Variants in PAK3 observed in about 807,000 individuals in gnomAD.
PAK3 encodes the protein serine/threonine-protein kinase PAK 3.
In PAK3, 4 loss-of-function variants were observed where a neutral mutation model predicts 41.0. The ratio of observed to expected loss-of-function variants is 0.10; its 90% CI spans 0.05 to 0.22. The LOEUF (loss-of-function observed/expected upper bound fraction) is 0.22, where lower values mean the gene tolerates loss of function less well. PAK3 is among the 10% of genes least tolerant of loss of function. The pLI, the probability that PAK3 is intolerant of heterozygous loss-of-function variation, is 1.00. For synonymous variants in PAK3, 146 were observed against 139.6 expected (o/e 1.05, Z -0.32); for missense variants, 205 against 409.9 (o/e 0.50, Z 4.32).
intron 1 of PAK3, among the ~76,000 whole-genome samples, chrX:111,003,671 T>G (rs1173458733): frequency 9.0e-6 from 1 of 111,447 alleles, no homozygotes; most frequent in Non-Finnish European, 1.9e-5. Context: ...AGGAATACAT[T>G]TTAGCTGTGG....
rs572178647 is a variant in PAK3 at position 111,068,284 on chromosome X, C to A, written c.-27-54793C>A. Among the ~76,000 whole-genome samples the A allele has an allele frequency of 5.4e-5, 6 of 111,070 alleles. No homozygotes were observed. The South Asian group carries it at 2.3e-3, about 42-fold the overall frequency. On this transcript the variant is annotated intron_variant, in intron 1 of 14. Coordinates refer to the PAK3 transcript ENST00000425146. ...TTATCTTAATCTCTCCCTTCCAATT[C>A]CCATAGGCTTGTTTTATTTTTATTT...
At chrX:111,168,389 T>C (rs2094291553) in intron 10 of PAK3, among the ~76,000 whole-genome samples, 1 of 112,040 alleles carries the variant, frequency 8.9e-6, no homozygotes, top group South Asian at 3.7e-4. Flanking sequence ...ACAGTGTTTT[T>C]TCTTTATCGT....
intron 1 of PAK3, among the ~76,000 whole-genome samples, chrX:110,980,857 C>T (rs957767974): frequency 8.9e-6 from 1 of 112,352 alleles, no homozygotes; most frequent in African/African-American, 3.2e-5. Flanking sequence ...GCATGACCCT[C>T]TCTGGAACAG....
intron 1 of PAK3, among the ~76,000 whole-genome samples, chrX:110,952,925 G>A (rs905474714): frequency 1.8e-5 from 2 of 111,824 alleles, no homozygotes; most frequent in African/African-American, 6.5e-5. Context: ...TAAAACTAGT[G>A]TTTCTCTTTT....
At chrX:110,956,440 C>T (rs1270681683) in intron 1 of PAK3, among the ~76,000 whole-genome samples, 1 of 111,176 alleles carries the variant, frequency 9.0e-6, no homozygotes, top group African/African-American at 3.3e-5. Flanking sequence ...GGCTCCCACC[C>T]CAGAAAATAT....
chrX:111,190,180 CA>C (rs1321652933), intron 11 of PAK3, among the ~76,000 whole-genome samples: 3 of 110,767 alleles, frequency 2.7e-5, no homozygotes, highest in Non-Finnish European at 5.7e-5. Context: ...AGCCCAGTTC[CA>C]ATCGATATTT....
intron 16 of PAK3, among the ~76,000 whole-genome samples, chrX:111,209,518 G>A (rs984102280): frequency 8.9e-5 from 10 of 111,743 alleles, no homozygotes; most frequent in Non-Finnish European, 1.5e-4. Flanking sequence ...ATGTTAAGTC[G>A]ACTTTTAGGG....
At chrX:111,122,930 A>G (rs2093599378) in intron 4 of PAK3, 147 bp from the exon 5 acceptor site, 1 of 483,874 alleles carries the variant, frequency 2.1e-6, no homozygotes, top group African/African-American at 2.4e-5. Context: ...TCCCTCCAGA[A>G]GAGAAACCCC....
intron 1 of PAK3, among the ~76,000 whole-genome samples, chrX:111,002,393 T>A (rs916691425): frequency 1.8e-5 from 2 of 111,679 alleles, no homozygotes; most frequent in Non-Finnish European, 3.8e-5. Context: ...CAGTACCATT[T>A]AAAATAAGGG....
At chrX:111,139,292 A>G (rs1445573014) in intron 5 of PAK3, among the ~76,000 whole-genome samples, 1 of 111,708 alleles carries the variant, frequency 9.0e-6, no homozygotes, top group African/African-American at 3.3e-5. Flanking sequence ...AAGCATTTGT[A>G]TATGGCATCT....
chrX:111,047,020 G>T (rs1340995693), intron 1 of PAK3, among the ~76,000 whole-genome samples: 1 of 112,058 alleles, frequency 8.9e-6, no homozygotes, highest in Non-Finnish European at 1.9e-5. Context: ...GTGGATGAGA[G>T]AAAGGCCTCT....
At chrX:111,053,044 C>T (rs1278147856) in intron 1 of PAK3, among the ~76,000 whole-genome samples, 1 of 112,165 alleles carries the variant, frequency 8.9e-6, no homozygotes, top group Non-Finnish European at 1.9e-5. Context: ...TTATTAGATT[C>T]ACATGTTTAT....
chrX:111,037,141 C>T (rs1223435385), intron 1 of PAK3, among the ~76,000 whole-genome samples: 1 of 111,494 alleles, frequency 9.0e-6, no homozygotes, highest in Admixed American at 9.5e-5. Flanking sequence ...GACAGAGTTT[C>T]ACCATGTTGG....
At chrX:111,207,073 C>CGTGT (rs367846225) in intron 16 of PAK3, among the ~76,000 whole-genome samples, 994 of 97,355 alleles carry the variant, frequency 0.01, 19 homozygotes, top group African/African-American at 0.036. Flanking sequence ...TAGATATATA[C>CGTGT]GTGTGTGTGT....
chrX:111,025,721 A>C, intron 1 of PAK3, among the ~76,000 whole-genome samples: 1 of 111,037 alleles, frequency 9.0e-6, no homozygotes. Context: ...CATTCAAAGA[A>C]GAATTGGTAC....
intron 1 of PAK3, among the ~76,000 whole-genome samples, chrX:110,967,213 C>T (rs1055925660): frequency 8.9e-6 from 1 of 112,891 alleles, no homozygotes; most frequent in African/African-American, 3.2e-5. Flanking sequence ...GGGGCAAAAA[C>T]CAGAACAGGG....
At chrX:111,006,042 G>T in intron 1 of PAK3, among the ~76,000 whole-genome samples, 1 of 111,311 alleles carries the variant, frequency 9.0e-6, no homozygotes, top group Admixed American at 9.5e-5. Context: ...AAAGCCTATA[G>T]CACAGTATTT....
chrX:110,966,798 T>C (rs1476538352), intron 1 of PAK3, among the ~76,000 whole-genome samples: 1 of 111,711 alleles, frequency 9.0e-6, no homozygotes, highest in Non-Finnish European at 1.9e-5. Context: ...ATTATTTTTC[T>C]TCTTTAAATT....
intron 1 of PAK3, among the ~76,000 whole-genome samples, chrX:111,007,635 G>A (rs2091952158): frequency 8.9e-6 from 1 of 111,825 alleles, no homozygotes; most frequent in Non-Finnish European, 1.9e-5. Context: ...GAACCAAAAT[G>A]TCTCTCACTT....
Sources: gnomAD v4.1 joint callset for allele counts (sites outside exome capture counted in the v4.1 genomes callset) on GRCh38, gnomAD v4.1.1 for gene constraint, MANE v1.5 for transcripts, NCBI Gene and HGNC (gene_info 2026-07-23, HGNC 2026-07-21) for gene names.